ASB15: variants seen among roughly 807,000 people sequenced by gnomAD.
ASB15 encodes ankyrin repeat and SOCS box containing 15, also known as ankyrin repeat and SOCS box protein 15.
ASB15 carries 54 observed loss-of-function variants against 58.0 expected under a neutral mutation model. That is an observed-to-expected ratio of 0.93 (90% confidence interval 0.75 to 1.17). ASB15 has a LOEUF of 1.17. ASB15 is among the 50% of genes most tolerant of loss of function. ASB15 has a pLI of 0.00. For missense variants in ASB15, 680 were observed against 707.4 expected (o/e 0.96, Z 0.44); for synonymous variants, 249 against 262.4 (o/e 0.95, Z 0.50).
intron 1 of ASB15, among the ~76,000 whole-genome samples, chr7:123,568,509 G>A (rs188928598): frequency 6.9e-5 from 10 of 145,972 alleles, no homozygotes; most frequent in East Asian, 2.0e-4. Context: ...CAACAAGAGC[G>A]AAAGTCCATC....
rs552476078 is a variant in ASB15 at position 123,636,839 on chromosome 7, G to A, written c.1625G>A (p.Arg542Gln). ...ENPCSLKHLC[R>Q]LKIRRLMGLQ... ...CCTTGTTCATTGAAGCATTTGTGTCGGTTAAAAATTCGAAGGCTTATGGGT... is the reference window on the plus strand; with the variant it reads ...CCTTGTTCATTGAAGCATTTGTGTCAGTTAAAAATTCGAAGGCTTATGGGT... The change falls in exon 12 of 12, where the codon CGG (arginine) becomes CAG (glutamine). Residue 542 changes from arginine to glutamine, a missense_variant. Transcript: ENST00000451215. 8.1e-6 allele frequency: 13 copies of A among 1,608,862 alleles called. No individual in the cohort carries two copies. The East Asian group carries it at 1.1e-4, about 14-fold the overall frequency.
upstream of ASB15, among the ~76,000 whole-genome samples, chr7:123,598,406 G>A (rs1799768318): frequency 6.6e-6 from 1 of 152,016 alleles, no homozygotes; most frequent in Admixed American, 6.6e-5. Flanking sequence ...CTTAGACTAA[G>A]ATACATATTC....
chr7:123,584,694 A>T (rs1562911632), intron 1 of ASB15, among the ~76,000 whole-genome samples: 1 of 152,016 alleles, frequency 6.6e-6, no homozygotes, highest in Non-Finnish European at 1.5e-5. Context: ...AAAGACTGTT[A>T]GCTTTCAATG....
chr7:123,581,937 A>G (rs1799246170), intron 1 of ASB15, among the ~76,000 whole-genome samples: 1 of 152,088 alleles, frequency 6.6e-6, no homozygotes, highest in South Asian at 2.1e-4. Flanking sequence ...TGGATTGACT[A>G]GCAAACTGTA....
intron 1 of ASB15, among the ~76,000 whole-genome samples, chr7:123,582,766 T>C (rs1799271919): frequency 6.6e-6 from 1 of 151,988 alleles, no homozygotes; most frequent in African/African-American, 2.4e-5. Context: ...TGATCATCTA[T>C]TCATCCCCTC....
rs1234704509 is a variant in ASB15, at chr7:123,629,427, A to G, written c.1433A>G (p.Asp478Gly). Residue 478 changes from aspartate to glycine, a missense_variant, in exon 10 of 12, where the codon GAT (aspartate) becomes GGT (glycine). Coordinates refer to ENST00000451215, the MANE Select transcript of ASB15 (RefSeq NM_001290258.2). The part of the protein sequence containing the change: ...LPGWTSCVIK[D>G]NPFCEFITVP... ...GGATGGACATCTTGTGTAATAAAAG[A>G]TAACCCGGTGAGTTATGCCTTTTCT... 2 of 1,603,992 alleles carry G rather than the reference A, an allele frequency of 1.2e-6. No individual in the cohort carries two copies. The highest frequency in any genetic ancestry group is 1.7e-6 in the Non-Finnish European group (2 of 1,176,294).
Position 123,605,270 on chromosome 7 carries a change from G to A in ASB15, c.-64+1058G>A, listed in dbSNP as rs767256237. Among the ~76,000 whole-genome samples the A allele has an allele frequency of 7.9e-5, 12 of 152,196 alleles. No individual in the cohort carries two copies. The South Asian group carries it at 1.7e-3, about 21-fold the overall frequency. On this transcript the variant is annotated intron_variant, in intron 2 of 11. Transcript: ENST00000451215. The stretch of plus-strand genomic sequence containing the variant: ...CAACATCCCTAATCATTAGAGAAAT[G>A]CAAATCAAAACCACAATGAGATACC...
chr7:123,631,804 C>T (rs1802130356), intron 11 of ASB15, among the ~76,000 whole-genome samples: 1 of 152,098 alleles, frequency 6.6e-6, no homozygotes, highest in African/African-American at 2.4e-5. Context: ...ACAGAGAGGG[C>T]GCGGTGGCTC....
chr7:123,605,392 G>T (rs945131884), intron 2 of ASB15, among the ~76,000 whole-genome samples: 3 of 152,142 alleles, frequency 2.0e-5, no homozygotes, highest in Non-Finnish European at 4.4e-5. Flanking sequence ...TACAATGCTG[G>T]TGGGAATGTA....
At chr7:123,591,166 C>T (rs1414478107) in intron 1 of ASB15, among the ~76,000 whole-genome samples, 2 of 152,140 alleles carry the variant, frequency 1.3e-5, no homozygotes, top group African/African-American at 2.4e-5. Flanking sequence ...TGAGACTTTG[C>T]TGAAGTTGCT....
chr7:123,621,663 A>G (rs1801332477), intron 7 of ASB15: 1 of 152,162 alleles, frequency 6.6e-6, no homozygotes, highest in African/African-American at 2.4e-5. Flanking sequence ...CCAAGAAAAA[A>G]ATCACTTTTG....
chr7:123,571,873 T>C (rs928414503), intron 1 of ASB15, among the ~76,000 whole-genome samples: 1 of 152,100 alleles, frequency 6.6e-6, no homozygotes, highest in Non-Finnish European at 1.5e-5. Flanking sequence ...CGAGTGATCC[T>C]CCTGTTTCAG....
rs1801523114 is a variant in ASB15 at position 123,623,915 on chromosome 7, GAAGGAAGAAAGAAAGAAAAGA to G, written c.452-650_452-630del. ...GAAAGAAAGAATGGAAGGAAGGAAG[GAAGGAAGAAAGAAAGAAAAGA>G]AAGAAAGAAAGAAAGAAAGAAAGAA... is the stretch of plus-strand genomic sequence containing the variant. On this transcript the variant is annotated intron_variant, in intron 7 of 11. Transcript: ENST00000451215. Among the ~76,000 whole-genome samples, 6 of 91,080 alleles carry G rather than the reference GAAGGAAGAAAGAAAGAAAAGA, an allele frequency of 6.6e-5. 1 individual carries two copies. The highest frequency in any genetic ancestry group is 1.7e-4 in the African/African-American group (4 of 23,472). The allele number at this position is 91,080 out of a possible 152,430, so 59.8% of individuals were successfully genotyped here. A position where few individuals can be genotyped will look rare whatever the true frequency, so the allele number is the denominator to read the frequency against.
chr7:123,634,394 T>C (rs1206758010), intron 11 of ASB15, among the ~76,000 whole-genome samples: 4 of 152,236 alleles, frequency 2.6e-5, no homozygotes, highest in Admixed American at 2.6e-4. Context: ...TTCCTTTTTA[T>C]AGCTGCACAG....
intron 11 of ASB15, among the ~76,000 whole-genome samples, chr7:123,630,399 T>C (rs1266551540): frequency 2.0e-5 from 3 of 152,344 alleles, no homozygotes; most frequent in African/African-American, 7.2e-5. Flanking sequence ...TATCATACAA[T>C]ACGTAGACTG....
Position 123,629,199 on chromosome 7 carries a change from A to T in ASB15, c.1205A>T (p.His402Leu). Reference sequence around the variant, plus strand: ...GAAATTGTCAGGCTGCTTCTCTCCCATGGAGCTAATGTCAATTGTTATTTT... The same window carrying T: ...GAAATTGTCAGGCTGCTTCTCTCCCTTGGAGCTAATGTCAATTGTTATTTT... Reference protein sequence around the residue: ...NYEIVRLLLSHGANVNCYFMH... With the variant: ...NYEIVRLLLSLGANVNCYFMH... Residue 402 changes from histidine to leucine, a missense_variant, in exon 10 of 12, where the codon CAT becomes CTT. Physicochemically the swap from His to Leu is moderately conservative, Grantham distance 99 (BLOSUM62 -3). Transcript: ENST00000451215. 1 of 1,613,678 alleles carries T rather than the reference A, an allele frequency of 6.2e-7. No homozygotes were observed. The highest frequency in any genetic ancestry group is 8.5e-7 in the Non-Finnish European group (1 of 1,179,596).
intron 2 of ASB15, among the ~76,000 whole-genome samples, chr7:123,606,053 G>T (rs1800135091): frequency 6.6e-6 from 1 of 151,988 alleles, no homozygotes; most frequent in Non-Finnish European, 1.5e-5. Flanking sequence ...GTTACTATAG[G>T]TAATCAATGT....
intron 1 of ASB15, among the ~76,000 whole-genome samples, chr7:123,574,296 A>G (rs943985944): frequency 6.6e-5 from 10 of 151,880 alleles, no homozygotes; most frequent in African/African-American, 2.4e-4. Context: ...CAGCCTTCTA[A>G]GCATCTGTTT....
At position 123,636,923 on chromosome 7, in the gene ASB15, A is replaced by G; in HGVS notation, c.1709A>G (p.Gln570Arg). Reference sequence around the variant, plus strand: ...AAGCTTCCTCTACCACCAGCTATTCAAAGATACATATTATTTAAAGAGTAT... The same window carrying G: ...AAGCTTCCTCTACCACCAGCTATTCGAAGATACATATTATTTAAAGAGTAT... ...VEKLPLPPAI[Q>R]RYILFKEYDL... is the part of the protein sequence containing the mutation. Residue 570 changes from glutamine to arginine, a missense_variant, in exon 12 of 12, where the codon CAA becomes CGA. Transcript: ENST00000451215. 1.3e-6 allele frequency: 2 copies of G among 1,586,178 alleles called. No homozygotes were observed. Among genetic ancestry groups the G allele is most frequent in the Non-Finnish European group, 1.7e-6 (2 of 1,154,730 alleles).
Sources: allele counts gnomAD v4.1 joint callset (sites outside exome capture counted in the v4.1 genomes callset), GRCh38; gene constraint gnomAD v4.1.1; transcripts MANE v1.5; gene names NCBI Gene and HGNC (gene_info 2026-07-23, HGNC 2026-07-21).